DSCAML1: variants seen among roughly 807,000 people sequenced by gnomAD.
DSCAML1 encodes DS cell adhesion molecule like 1, also known as cell adhesion molecule DSCAML1.
DSCAML1 carries 38 observed loss-of-function variants against 200.5 expected under a neutral mutation model. The observed-to-expected ratio is 0.19, with a 90% CI of 0.15 to 0.25. DSCAML1 has a LOEUF of 0.25. Among genes scored for constraint, DSCAML1 ranks in the 10% least tolerant of loss-of-function variants. The pLI, the probability that DSCAML1 is intolerant of heterozygous loss-of-function variation, is 1.00. For missense variants in DSCAML1, 2,223 were observed against 2,858.8 expected (o/e 0.78, Z 5.07); for synonymous variants, 1,215 against 1,165.0 (o/e 1.04, Z -0.87).
At chr11:117,607,889 A>G (rs2051603639) in intron 3 of DSCAML1, among the ~76,000 whole-genome samples, 1 of 152,266 alleles carries the variant, frequency 6.6e-6, no homozygotes, top group Non-Finnish European at 1.5e-5. Flanking sequence ...GTCTTAATAA[A>G]GAATGTGAAC....
At chr11:117,486,026 A>G (rs1038059656) in intron 11 of DSCAML1, among the ~76,000 whole-genome samples, 2 of 152,270 alleles carry the variant, frequency 1.3e-5, no homozygotes, top group African/African-American at 4.8e-5. Context: ...ACTGGGTGCC[A>G]GGTAATAAGG....
rs1378256886 is a variant in DSCAML1, at chr11:117,463,254, G to C, written c.3266-1658C>G. Among the ~76,000 whole-genome samples the C allele has an allele frequency of 6.6e-6, 1 of 152,182 alleles. No homozygotes were observed. Among genetic ancestry groups the C allele is most frequent in the Non-Finnish European group, 1.5e-5 (1 of 68,038 alleles). Reference sequence around the variant, plus strand: ...TGGTTCTAGATGGTTTAATCTCCTTGAGCCTTGGCCTCCCTTCATGGATAA... The same window carrying C: ...TGGTTCTAGATGGTTTAATCTCCTTCAGCCTTGGCCTCCCTTCATGGATAA... On this transcript the variant is annotated intron_variant, in intron 17 of 32. Transcript: ENST00000651296. The surrounding 1 kb of genome is among the most constrained non-coding windows in gnomAD (Gnocchi z 4.0).
At chr11:117,549,330 C>A (rs140594201) in intron 3 of DSCAML1, among the ~76,000 whole-genome samples, 1 of 152,342 alleles carries the variant, frequency 6.6e-6, no homozygotes, top group African/African-American at 2.4e-5. Flanking sequence ...CTGCTCTGGG[C>A]TCAGTTTCAG....
At chr11:117,676,751 G>A (rs1003375953) in intron 3 of DSCAML1, among the ~76,000 whole-genome samples, 3 of 152,218 alleles carry the variant, frequency 2.0e-5, no homozygotes, top group Non-Finnish European at 4.4e-5. Context: ...TGGCAGGGCC[G>A]CACTCTGCTA....
chr11:117,513,740 CAAAA>C (rs58490526), intron 8 of DSCAML1, among the ~76,000 whole-genome samples: 3 of 77,796 alleles, frequency 3.9e-5, no homozygotes, highest in African/African-American at 5.0e-5. Flanking sequence ...GACTCTATCT[CAAAA>C]AAAAAAAAAA....
intron 3 of DSCAML1, among the ~76,000 whole-genome samples, chr11:117,637,596 C>T (rs376873280): frequency 8.5e-5 from 13 of 152,272 alleles, no homozygotes; most frequent in South Asian, 4.2e-4. Flanking sequence ...CCGCCCATCT[C>T]GGCCTCCCAA....
At chr11:117,647,430 T>C (rs1375199882) in intron 3 of DSCAML1, among the ~76,000 whole-genome samples, 1 of 152,146 alleles carries the variant, frequency 6.6e-6, no homozygotes, top group Non-Finnish European at 1.5e-5. Context: ...GCTGCTCAGG[T>C]TGTCACTTAG....
At position 117,743,523 on chromosome 11, in the gene DSCAML1, CAG is replaced by C. The variant is rs145028072; in HGVS notation, c.511+33266_511+33267del. Among the ~76,000 whole-genome samples the C allele has an allele frequency of 7.4e-4, 112 of 152,294 alleles. No homozygotes were observed. In the East Asian group the frequency reaches 0.018, roughly 24 times the overall value. On this transcript the variant is annotated intron_variant, in intron 3 of 32. Coordinates refer to ENST00000651296, the MANE Select transcript of DSCAML1 (RefSeq NM_020693.4). ...ATCTGCCCACCAGTTCCCCAACATA[CAG>C]GATGCTGAGCAGCGTCTGACACCTT...
intron 11 of DSCAML1, among the ~76,000 whole-genome samples, chr11:117,494,370 C>T (rs2049251133): frequency 1.3e-5 from 2 of 152,220 alleles, no homozygotes. Context: ...AGACCACTGG[C>T]CAGATATGAG....
chr11:117,547,685 A>G (rs1240820701), intron 3 of DSCAML1, among the ~76,000 whole-genome samples: 1 of 152,242 alleles, frequency 6.6e-6, no homozygotes, highest in Admixed American at 6.5e-5. Flanking sequence ...TTTAGCAAGC[A>G]GCTACTGTGT....
chr11:117,804,648 C>T (rs867900987), intron 1 of DSCAML1, among the ~76,000 whole-genome samples: 10 of 152,178 alleles, frequency 6.6e-5, no homozygotes, highest in Admixed American at 3.9e-4. Flanking sequence ...AGCAATATCT[C>T]GTCCGGGCAT....
At chr11:117,594,448 T>A (rs1463233561) in intron 3 of DSCAML1, among the ~76,000 whole-genome samples, 1 of 152,214 alleles carries the variant, frequency 6.6e-6, no homozygotes, top group Non-Finnish European at 1.5e-5. Flanking sequence ...GAGAAGCTCA[T>A]CAGATCCGCT....
intron 3 of DSCAML1, among the ~76,000 whole-genome samples, chr11:117,569,362 T>C (rs1202607545): frequency 4.6e-5 from 7 of 152,194 alleles, no homozygotes; most frequent in Non-Finnish European, 8.8e-5. Flanking sequence ...AAGCCAAAAT[T>C]GACAAATGGG....
chr11:117,472,544 T>C (rs541502147), intron 14 of DSCAML1, among the ~76,000 whole-genome samples: 1 of 152,314 alleles, frequency 6.6e-6, no homozygotes, highest in South Asian at 2.1e-4. Context: ...TTGAGTGTTA[T>C]ATGTCAGGGT....
chr11:117,492,143 G>A (rs1233588740), intron 11 of DSCAML1, among the ~76,000 whole-genome samples: 6 of 152,264 alleles, frequency 3.9e-5, no homozygotes, highest in East Asian at 3.9e-4. Context: ...TAATTCTCAC[G>A]TGGTTTGGAG....
At chr11:117,667,888 C>A (rs2053012287) in intron 3 of DSCAML1, among the ~76,000 whole-genome samples, 1 of 152,142 alleles carries the variant, frequency 6.6e-6, no homozygotes, top group African/African-American at 2.4e-5. Context: ...GTAATTCTTG[C>A]AGTGGAGAAG....
chr11:117,456,098 T>C (rs2048363487), intron 19 of DSCAML1, among the ~76,000 whole-genome samples: 2 of 152,282 alleles, frequency 1.3e-5, no homozygotes, highest in South Asian at 4.1e-4. Flanking sequence ...ATAAGTCTGT[T>C]GAGGGGGTTT....
At chr11:117,775,861 C>A (rs145064207) in intron 3 of DSCAML1, among the ~76,000 whole-genome samples, 5 of 152,118 alleles carry the variant, frequency 3.3e-5, no homozygotes, top group African/African-American at 1.2e-4. Context: ...AAATCATCAA[C>A]CTTGAGGAAC....
At chr11:117,668,658 T>C (rs1485592585) in intron 3 of DSCAML1, 2 of 152,214 alleles carry the variant, frequency 1.3e-5, no homozygotes, top group Non-Finnish European at 2.9e-5. Context: ...CTCCTACCAA[T>C]GCTCCAGCTC....
Sources: allele counts gnomAD v4.1 joint callset (sites outside exome capture counted in the v4.1 genomes callset), GRCh38; gene constraint gnomAD v4.1.1; non-coding constraint Gnocchi (gnomAD v3.1); transcripts MANE v1.5; gene names NCBI Gene and HGNC (gene_info 2026-07-23, HGNC 2026-07-21).